The following CNTNAP2 variants were observed in gnomAD, a reference collection of about 807,000 sequenced individuals.
CNTNAP2 encodes contactin associated protein 2.
Under a neutral mutation model 155.2 loss-of-function variants are expected in CNTNAP2, and 98 were observed. That is an observed-to-expected ratio of 0.63 (90% CI 0.54 to 0.75). The LOEUF (loss-of-function observed/expected upper bound fraction) is 0.75. Among genes scored for constraint, CNTNAP2 ranks in the 30% least tolerant of loss-of-function variants. The pLI is 0.00. For missense variants in CNTNAP2, 1,727 were observed against 1,688.1 expected (o/e 1.02, Z -0.40); for synonymous variants, 651 against 631.2 (o/e 1.03, Z -0.47).
intron 15 of CNTNAP2, among the ~76,000 whole-genome samples, chr7:148,065,446 T>C (rs1803237996): frequency 6.6e-6 from 1 of 152,186 alleles, no homozygotes; most frequent in Non-Finnish European, 1.5e-5. Context: ...TAGTAGTAAT[T>C]ATTGTCCAAA....
intron 13 of CNTNAP2, among the ~76,000 whole-genome samples, chr7:147,884,771 T>C (rs550072858): frequency 6.6e-5 from 10 of 152,322 alleles, no homozygotes; most frequent in Admixed American, 4.6e-4. Context: ...TTCTGTGAGA[T>C]TGGAGGACTT....
intron 8 of CNTNAP2, among the ~76,000 whole-genome samples, chr7:147,234,237 G>A (rs1803748348): frequency 6.6e-6 from 1 of 150,924 alleles, no homozygotes; most frequent in Non-Finnish European, 1.5e-5. Flanking sequence ...TACATATCCA[G>A]ATTACATCCA....
At chr7:146,204,390 C>T (rs59474676) in intron 1 of CNTNAP2, among the ~76,000 whole-genome samples, 5,048 of 152,160 alleles carry the variant, frequency 0.033, 281 homozygotes, top group African/African-American at 0.12. Flanking sequence ...AATAGGTATA[C>T]CTTTTTTTAT....
chr7:146,784,936 T>A (rs1232049207), intron 2 of CNTNAP2, among the ~76,000 whole-genome samples: 1 of 152,084 alleles, frequency 6.6e-6, no homozygotes, highest in Non-Finnish European at 1.5e-5. Context: ...AAAATGTGTT[T>A]ACGAGAATAA....
chr7:146,562,540 A>G (rs972716311), intron 1 of CNTNAP2, among the ~76,000 whole-genome samples: 2 of 152,148 alleles, frequency 1.3e-5, no homozygotes, highest in Admixed American at 6.5e-5. Context: ...TGTTGTAGCA[A>G]TATTCTGGCT....
chr7:147,524,282 C>T (rs903635840), intron 11 of CNTNAP2, among the ~76,000 whole-genome samples: 2 of 152,098 alleles, frequency 1.3e-5, no homozygotes, highest in African/African-American at 2.4e-5. Context: ...CCCAGCTACT[C>T]GGGTGGCTGA....
intron 11 of CNTNAP2, among the ~76,000 whole-genome samples, chr7:147,547,648 C>T (rs533303775): frequency 3.9e-5 from 6 of 152,006 alleles, no homozygotes; most frequent in African/African-American, 1.4e-4. Context: ...CACACACACA[C>T]ACAACAACAA....
chr7:148,007,548 T>C (rs113955750), intron 15 of CNTNAP2, among the ~76,000 whole-genome samples: 223 of 151,922 alleles, frequency 1.5e-3, no homozygotes, highest in African/African-American at 5.3e-3. Context: ...GGTTTGAGGC[T>C]GGCTTTGGAA....
chr7:148,029,391 A>G (rs558414184), intron 15 of CNTNAP2, among the ~76,000 whole-genome samples: 1 of 152,278 alleles, frequency 6.6e-6, no homozygotes, highest in South Asian at 2.1e-4. Flanking sequence ...GCCCCCAACA[A>G]TAGGTGTGAA....
intron 17 of CNTNAP2, among the ~76,000 whole-genome samples, chr7:148,151,127 C>A (rs2116658069): frequency 6.6e-6 from 1 of 152,274 alleles, no homozygotes; most frequent in Non-Finnish European, 1.5e-5. Flanking sequence ...ACAATATGGT[C>A]TTTGACTACC....
At chr7:147,100,515 T>C (rs1800631405) in intron 4 of CNTNAP2, among the ~76,000 whole-genome samples, 1 of 152,238 alleles carries the variant, frequency 6.6e-6, no homozygotes, top group Non-Finnish European at 1.5e-5. Context: ...GGAAATTATA[T>C]ATTCTTTATT....
At chr7:147,967,830 C>G (rs566594245) in intron 14 of CNTNAP2, among the ~76,000 whole-genome samples, 93 of 152,240 alleles carry the variant, frequency 6.1e-4, no homozygotes, top group African/African-American at 2.1e-3. Flanking sequence ...GTACCCCTTT[C>G]ACCACGTTAA....
At chr7:146,145,512 C>A (rs1002454317) in intron 1 of CNTNAP2, among the ~76,000 whole-genome samples, 1 of 152,174 alleles carries the variant, frequency 6.6e-6, no homozygotes, top group African/African-American at 2.4e-5. Context: ...GTACCAAAGT[C>A]TTTTTGTGTC....
At chr7:146,900,576 C>T (rs1430466301) in intron 3 of CNTNAP2, among the ~76,000 whole-genome samples, 2 of 152,078 alleles carry the variant, frequency 1.3e-5, no homozygotes, top group Non-Finnish European at 2.9e-5. Context: ...CTTGCTAGTC[C>T]CATCTCCTGC....
chr7:147,700,531 A>C (rs1796221089), intron 13 of CNTNAP2, among the ~76,000 whole-genome samples: 1 of 152,228 alleles, frequency 6.6e-6, no homozygotes, highest in African/African-American at 2.4e-5. Flanking sequence ...GAAGGTAAGA[A>C]GTTTAAAAGC....
chr7:148,240,310 C>G (rs970486918), intron 20 of CNTNAP2, among the ~76,000 whole-genome samples: 1 of 152,148 alleles, frequency 6.6e-6, no homozygotes, highest in Non-Finnish European at 1.5e-5. Context: ...TGTCCAGTCA[C>G]TAGGCATTTT....
chr7:146,135,853 GAAAAA>G (rs1797789485), intron 1 of CNTNAP2, among the ~76,000 whole-genome samples: 1 of 151,738 alleles, frequency 6.6e-6, no homozygotes, highest in Non-Finnish European at 1.5e-5. Flanking sequence ...TACCAAGGAA[GAAAAA>G]AATGCTTGTC....
intron 12 of CNTNAP2, among the ~76,000 whole-genome samples, chr7:147,580,108 A>G (rs1274976119): frequency 6.6e-6 from 1 of 152,194 alleles, no homozygotes; most frequent in Non-Finnish European, 1.5e-5. Flanking sequence ...ATGTTGACCC[A>G]AGTACTCTTC....
Position 148,374,729 on chromosome 7 carries a change from C to T in CNTNAP2, c.3476-8920C>T, listed in dbSNP as rs117600683. Among the ~76,000 whole-genome samples, 29 of 152,304 alleles carry T rather than the reference C, an allele frequency of 1.9e-4. No individual in the cohort carries two copies. In the East Asian group the frequency reaches 5.4e-3, roughly 28 times the overall value. On this transcript the variant is annotated intron_variant, in intron 21 of 23. Transcript: ENST00000361727. ...TCAAGATAAAATGCAAAAGTGGAAA[C>T]ATTCCAATGAGTAAGAAGCAGGTCT...
Sources: allele counts gnomAD v4.1 joint callset (sites outside exome capture counted in the v4.1 genomes callset), GRCh38; gene constraint gnomAD v4.1.1; transcripts MANE v1.5; gene names NCBI Gene and HGNC (gene_info 2026-07-23, HGNC 2026-07-21).